The following NPR3 variants were observed in gnomAD, a reference collection of about 807,000 sequenced individuals.
The protein encoded by NPR3 is natriuretic peptide receptor 3, also known as atrial natriuretic peptide receptor 3.
A neutral mutation model predicts 54.5 loss-of-function variants in NPR3; 34 were observed. The observed-to-expected ratio is 0.62, with a 90% CI of 0.47 to 0.83. The LOEUF (loss-of-function observed/expected upper bound fraction) is 0.83. Among genes scored for constraint, NPR3 ranks in the 40% least tolerant of loss-of-function variants. NPR3 has a pLI of 0.00. For synonymous variants in NPR3, 289 were observed against 297.1 expected, an observed-to-expected ratio of 0.97 and a Z score of 0.28; for missense variants, 674 against 720.8, an observed-to-expected ratio of 0.94 and a Z score of 0.74.
rs1180409890 is a variant in NPR3, at chr5:32,786,967, T to C, written c.*622T>C. On this transcript the variant is annotated 3_prime_UTR_variant, in exon 8 of 8. Transcript: ENST00000265074. ...CGCTACTCTGGATTGTTGTAAATAT[T>C]AGTGAGATGGGAGGATTTACAGAAG... The C allele has an allele frequency of 1.3e-5, 2 of 152,580 alleles. No homozygotes were observed. Among genetic ancestry groups the C allele is most frequent in the Non-Finnish European group, 2.9e-5 (2 of 68,036 alleles). 9.5% of individuals were successfully genotyped at this position (152,580 alleles called of 1,614,324 possible).
At chr5:32,758,677 T>A (rs545788195) in intron 3 of NPR3, among the ~76,000 whole-genome samples, 1 of 152,300 alleles carries the variant, frequency 6.6e-6, no homozygotes, top group South Asian at 2.1e-4. Flanking sequence ...GCTTCTCTAG[T>A]TCTTTTAATT....
In NPR3 at chr5:32,790,304, AGAGG is replaced by A. The variant is rs994578631; in HGVS notation, c.*3961_*3964del. ...AGCTTGATCCTCTAACAGAAATAGA[AGAGG>A]GTAGCTTTGCCCATTGCCACTGTCT... On this transcript the variant is annotated 3_prime_UTR_variant, in exon 8 of 8. Coordinates refer to ENST00000265074, the MANE Select transcript of NPR3 (RefSeq NM_001204375.2). 1.7e-4 allele frequency: 28 copies of A among 164,756 alleles called. No homozygotes were observed. The highest frequency in any genetic ancestry group is 1.1e-4 in the Non-Finnish European group (8 of 69,826). The allele number at this position is 164,756 out of a possible 1,614,324, so 10.2% of individuals were successfully genotyped here. A position where few individuals can be genotyped will look rare whatever the true frequency, so the allele number is the denominator to read the frequency against.
At chr5:32,785,654 G>A (rs1372835492) in intron 7 of NPR3, among the ~76,000 whole-genome samples, 1 of 152,198 alleles carries the variant, frequency 6.6e-6, no homozygotes, top group East Asian at 1.9e-4. Context: ...AGTATCTGGA[G>A]AGCCCACATG....
intron 2 of NPR3, among the ~76,000 whole-genome samples, chr5:32,735,338 G>T (rs767221834): frequency 6.6e-6 from 1 of 151,776 alleles, no homozygotes; most frequent in Non-Finnish European, 1.5e-5. Context: ...CCTCTGTGTT[G>T]TCCCTCACTC....
intron 2 of NPR3, 47 bp downstream of exon 2, chr5:32,724,867 G>A: frequency 6.2e-7 from 1 of 1,608,652 alleles, no homozygotes; most frequent in Non-Finnish European, 8.5e-7. Flanking sequence ...TTCCAAGAGA[G>A]GTTGTCAGAT....
chr5:32,747,287 C>T (rs2111972159), intron 3 of NPR3, among the ~76,000 whole-genome samples: 1 of 152,278 alleles, frequency 6.6e-6, no homozygotes, highest in East Asian at 1.9e-4. Flanking sequence ...TTTATGTACT[C>T]TTTCTCTGCC....
chr5:32,710,894 ATGTGTGTGTG>A, upstream of NPR3: 1 of 507,670 alleles, frequency 2.0e-6, no homozygotes. Flanking sequence ...GTGTGTGTAT[ATGTGTGTGTG>A]TGTGTGTGTG....
chr5:32,768,075 G>A (rs939783481), intron 3 of NPR3, among the ~76,000 whole-genome samples: 4 of 152,056 alleles, frequency 2.6e-5, no homozygotes, highest in Non-Finnish European at 4.4e-5. Context: ...TCCTCTTCCC[G>A]CCCTTCTCCT....
At chr5:32,754,196 A>C (rs935555657) in intron 3 of NPR3, among the ~76,000 whole-genome samples, 6 of 152,218 alleles carry the variant, frequency 3.9e-5, no homozygotes, top group Non-Finnish European at 5.9e-5. Context: ...GGAGGAGCCC[A>C]AGGTAGTGGT....
At chr5:32,749,596 T>TCA (rs1740473557) in intron 3 of NPR3, among the ~76,000 whole-genome samples, 1 of 152,232 alleles carries the variant, frequency 6.6e-6, no homozygotes. Context: ...AAGTTGCTTA[T>TCA]CTTAGGTTGT....
intron 5 of NPR3, among the ~76,000 whole-genome samples, chr5:32,781,660 T>G (rs1019991993): frequency 7.2e-5 from 11 of 152,248 alleles, no homozygotes; most frequent in African/African-American, 2.4e-4. Flanking sequence ...TGGGAAGTTC[T>G]GAAGCAGCAG....
At chr5:32,779,401 T>C (rs967689664) in intron 4 of NPR3, among the ~76,000 whole-genome samples, 48 of 152,328 alleles carry the variant, frequency 3.2e-4, no homozygotes, top group Non-Finnish European at 1.3e-4. Flanking sequence ...CAGCCGATGA[T>C]ATATTTGCTT....
chr5:32,732,219 G>A (rs1056229904), intron 2 of NPR3, among the ~76,000 whole-genome samples: 4 of 131,068 alleles, frequency 3.1e-5, no homozygotes, highest in African/African-American at 5.9e-5. Context: ...CCGCAGTCCG[G>A]CCTGGGCGAC....
intron 2 of NPR3, among the ~76,000 whole-genome samples, chr5:32,725,673 C>T (rs969474783): frequency 3.3e-5 from 5 of 152,170 alleles, no homozygotes; most frequent in Admixed American, 6.5e-5. Context: ...AAGTGTGTCA[C>T]ACTTAGCATG....
At chr5:32,759,433 C>CT (rs1425123266) in intron 3 of NPR3, among the ~76,000 whole-genome samples, 1 of 151,776 alleles carries the variant, frequency 6.6e-6, no homozygotes, top group Non-Finnish European at 1.5e-5. Context: ...CAACCCCTGC[C>CT]TTTTTTTGTT....
At chr5:32,783,857 C>T (rs1028638690) in intron 6 of NPR3, among the ~76,000 whole-genome samples, 1 of 152,050 alleles carries the variant, frequency 6.6e-6, no homozygotes, top group African/African-American at 2.4e-5. Flanking sequence ...AGAAATGTGC[C>T]CACCTAAGCG....
upstream of NPR3, chr5:32,711,279 C>T (rs959174444): frequency 2.6e-5 from 26 of 983,660 alleles, 1 homozygote; most frequent in South Asian, 5.2e-4. Flanking sequence ...CACGCTCAGC[C>T]GCTGCCACGC....
chr5:32,737,865 G>C (rs905147723), intron 2 of NPR3, among the ~76,000 whole-genome samples: 1 of 152,082 alleles, frequency 6.6e-6, no homozygotes, highest in Non-Finnish European at 1.5e-5. Context: ...ATATCACGGG[G>C]TCTTCTGAGG....
At position 32,791,176 on chromosome 5, in the gene NPR3, G is replaced by A. The variant is rs1011437659; in HGVS notation, c.*4831G>A. 1 of 167,088 alleles carries A rather than the reference G, an allele frequency of 6.0e-6. No individual in the cohort carries two copies. The highest frequency in any genetic ancestry group is 6.5e-5 in the Admixed American group (1 of 15,278). The allele number at this position is 167,088 out of a possible 1,614,324, so 10.4% of individuals were successfully genotyped here. A position where few individuals can be genotyped will look rare whatever the true frequency, so the allele number is the denominator to read the frequency against. On this transcript the variant is annotated 3_prime_UTR_variant, in exon 8 of 8. Coordinates refer to ENST00000265074, the MANE Select transcript of NPR3 (RefSeq NM_001204375.2). ...CAACATCTTATAAGACAACAATGAA[G>A]TAGCCCCTGAACAGCATGGAGTTGC...
Sources: allele counts gnomAD v4.1 joint callset (sites outside exome capture counted in the v4.1 genomes callset), GRCh38; gene constraint gnomAD v4.1.1; transcripts MANE v1.5; gene names NCBI Gene and HGNC (gene_info 2026-07-23, HGNC 2026-07-21).